The following MTA1 variants were observed in gnomAD, a reference collection of about 807,000 sequenced individuals.
MTA1 encodes metastasis-associated protein MTA1.
MTA1 carries 15 observed loss-of-function variants against 97.0 expected under a neutral mutation model. The ratio of observed to expected loss-of-function variants is 0.15; its 90% CI spans 0.10 to 0.24. MTA1 has a LOEUF of 0.24. MTA1 is among the 10% of genes least tolerant of loss of function. MTA1 has a pLI of 1.00. For missense variants in MTA1, 709 were observed against 1,015.1 expected, an observed-to-expected ratio of 0.70 and a Z score of 4.10; for synonymous variants, 435 against 417.5, an observed-to-expected ratio of 1.04 and a Z score of -0.51.
intron 2 of MTA1, among the ~76,000 whole-genome samples, chr14:105,439,811 G>A (rs1555425266): frequency 6.6e-6 from 1 of 152,134 alleles, no homozygotes; most frequent in Non-Finnish European, 1.5e-5. Flanking sequence ...TGGGGCACTC[G>A]GGCCCTTGGT....
rs368581140 is a variant in MTA1, at chr14:105,455,312, G to A, written c.550+1002G>A. 3.8e-4 allele frequency among the ~76,000 whole-genome samples: 58 copies of A among 152,336 alleles called. 1 individual carries two copies. The East Asian group carries it at 8.3e-3, about 22-fold the overall frequency. On this transcript the variant is annotated intron_variant, in intron 7 of 20. Coordinates refer to ENST00000331320, the MANE Select transcript of MTA1 (RefSeq NM_004689.4). ...CCCACCCTTGAGGCCTGCTGGGGCC[G>A]TGGAGCTCCGACGCAGTGCTCACCC... is the stretch of plus-strand genomic sequence containing the variant.
intron 1 of MTA1, among the ~76,000 whole-genome samples, chr14:105,431,718 C>T (rs143999764): frequency 0.012 from 1,807 of 151,902 alleles, 49 homozygotes; most frequent in African/African-American, 0.038. Flanking sequence ...CTCTGCCTCC[C>T]GGGCCCGAGT....
intron 2 of MTA1, among the ~76,000 whole-genome samples, chr14:105,440,857 G>A (rs2082487512): frequency 6.6e-6 from 1 of 152,258 alleles, no homozygotes. Context: ...CCAGGTGGGC[G>A]CAGCTGGTTG....
intron 1 of MTA1, among the ~76,000 whole-genome samples, chr14:105,426,425 C>T (rs782655773): frequency 3.3e-5 from 5 of 149,796 alleles, no homozygotes; most frequent in East Asian, 3.9e-4. Flanking sequence ...AGTTGGTCAG[C>T]GGTGGAGTCA....
intron 3 of MTA1, chr14:105,445,892 T>A (rs1171124703): frequency 2.8e-6 from 1 of 352,154 alleles, no homozygotes; most frequent in Non-Finnish European, 5.5e-6. Flanking sequence ...GTCTCTCTCT[T>A]TTTAATTTTG....
In MTA1 at chr14:105,449,386, C is replaced by T. The variant is rs2082835462; in HGVS notation, c.218C>T (p.Pro73Leu). 1 of 1,612,330 alleles carries T rather than the reference C, an allele frequency of 6.2e-7. No individual in the cohort carries two copies. Residue 73 changes from proline to leucine, a missense_variant, in exon 4 of 21, where the codon CCG (proline) becomes CTG (leucine). This residue lies in a region of MTA1 where 321 missense variants were observed against 593.5 expected (regional missense o/e 0.54). Coordinates refer to ENST00000331320, the MANE Select transcript of MTA1 (RefSeq NM_004689.4). ...CTGTCAGTCTGCTATAAGGCCGGAC[C>T]GGGGGCGGACAACGGCGAGGAAGGT... ...ATLSVCYKAGPGADNGEEGEI... is the reference protein window; with the variant it reads ...ATLSVCYKAGLGADNGEEGEI...
In MTA1 at chr14:105,469,994, T is replaced by C; in HGVS notation, c.1997+2T>C. 1 of 1,612,392 alleles carries C rather than the reference T, an allele frequency of 6.2e-7. No individual in the cohort carries two copies. Among genetic ancestry groups the C allele is most frequent in the Non-Finnish European group, 8.5e-7 (1 of 1,179,810 alleles). ...CTACATGGCCACAGAGGAGACCAGG[T>C]GGGGCCTTCCCAGGGCAGGCGGGAG... On this transcript the variant is annotated splice_donor_variant, in intron 20 of 20. Coordinates refer to ENST00000331320, the MANE Select transcript of MTA1 (RefSeq NM_004689.4). LOFTEE classifies it high-confidence loss of function.
At chr14:105,465,416 G>T in intron 16 of MTA1, 1 of 372,470 alleles carries the variant, frequency 2.7e-6, no homozygotes, top group Non-Finnish European at 4.8e-6. Flanking sequence ...GCGGAGTAGC[G>T]GCCGCCCTGT....
chr14:105,434,109 G>C (rs1408712262), intron 1 of MTA1, among the ~76,000 whole-genome samples: 4 of 152,192 alleles, frequency 2.6e-5, no homozygotes, highest in Admixed American at 2.0e-4. Flanking sequence ...GAGCCACTGC[G>C]CCTGGCCCAG....
Position 105,463,474 on chromosome 14 carries a change from CCTT to C in MTA1, c.1018-16_1018-14del, listed in dbSNP as rs1372047792. 24 of 1,612,926 alleles carry C rather than the reference CCTT, an allele frequency of 1.5e-5. No homozygotes were observed. Among genetic ancestry groups the C allele is most frequent in the Non-Finnish European group, 1.5e-5 (18 of 1,179,866 alleles). On this transcript the variant is annotated splice_polypyrimidine_tract_variant and intron_variant, in intron 11 of 20. Transcript: ENST00000331320. This position sits in a 1 kb window ranked among gnomAD's most constrained non-coding sequence, Gnocchi z 5.9. ...CTGGGCCTAGCCTGCTGACCTCTGA[CCTT>C]CTCTTTTGTTTTAAGAAACGCTTGA...
intron 18 of MTA1, chr14:105,469,178 C>A (rs1237793038): frequency 6.4e-6 from 4 of 624,844 alleles, no homozygotes; most frequent in Non-Finnish European, 8.9e-6. Context: ...GGTGGACAGC[C>A]CCGGCCCCTG....
At chr14:105,464,261 G>C (rs1419119569) in intron 13 of MTA1, 114 bp downstream of exon 13, 6 of 1,410,954 alleles carry the variant, frequency 4.3e-6, no homozygotes, top group Non-Finnish European at 5.8e-6. Context: ...CACTGACGAT[G>C]GGGGCTGCGT....
Position 105,449,539 on chromosome 14 carries a change from C to G in MTA1, c.241+130C>G. The stretch of plus-strand genomic sequence containing the variant: ...TGTGCCCTGCGCCCGGCCGGCCCGG[C>G]TGAGGAGGGGCCCTCCCTTGTGTCC... On this transcript the variant is annotated intron_variant, in intron 4 of 20. Transcript: ENST00000331320. 6.0e-6 allele frequency: 6 copies of G among 1,005,282 alleles called. No individual in the cohort carries two copies. In the South Asian group the frequency reaches 9.9e-5, roughly 17 times the overall value. The allele number at this position is 1,005,282 out of a possible 1,614,324, so 62.3% of individuals were successfully genotyped here.
chr14:105,448,064 C>A (rs1221367678), intron 3 of MTA1, among the ~76,000 whole-genome samples: 1 of 152,174 alleles, frequency 6.6e-6, no homozygotes, highest in Admixed American at 6.5e-5. Context: ...AAGCCCTCCC[C>A]CCGGCAGGGC....
At chr14:105,445,649 T>C in intron 3 of MTA1, 138 bp downstream of exon 3, 1 of 887,934 alleles carries the variant, frequency 1.1e-6, no homozygotes, top group Non-Finnish European at 1.8e-6. Flanking sequence ...CTGGCGTCTC[T>C]TTTTCTCCCT....
chr14:105,460,739 G>A (rs782256422), intron 9 of MTA1, 26 bp from the exon 10 acceptor site: 7 of 1,542,594 alleles, frequency 4.5e-6, no homozygotes, highest in Non-Finnish European at 6.1e-6. Flanking sequence ...CCTTGGCCCG[G>A]GTGACCCTGC....
At chr14:105,446,503 C>T (rs1323659818) in intron 3 of MTA1, among the ~76,000 whole-genome samples, 2 of 152,116 alleles carry the variant, frequency 1.3e-5, no homozygotes, top group African/African-American at 2.4e-5. Flanking sequence ...GGAGGACCCT[C>T]GCATCTTCTG....
At chr14:105,441,998 G>T (rs2082547896) in intron 2 of MTA1, among the ~76,000 whole-genome samples, 1 of 152,160 alleles carries the variant, frequency 6.6e-6, no homozygotes, top group Non-Finnish European at 1.5e-5. Context: ...ATAAAGTTGA[G>T]GATACCGCAC....
chr14:105,470,317 C>T lies in MTA1; in HGVS notation c.*102C>T. On this transcript the variant is annotated 3_prime_UTR_variant, in exon 21 of 21. Coordinates refer to ENST00000331320, the MANE Select transcript of MTA1 (RefSeq NM_004689.4). ...CCCTCAGTTTGGTAGTGCCCCACCT[C>T]CCGCCCTCACCTGCAGAGAAACGCG... 1 of 993,522 alleles carries T rather than the reference C, an allele frequency of 1.0e-6. No homozygotes were observed. The allele number at this position is 993,522 out of a possible 1,614,324, so 61.5% of individuals were successfully genotyped here.
Sources: allele counts gnomAD v4.1 joint callset (sites outside exome capture counted in the v4.1 genomes callset), GRCh38; gene constraint gnomAD v4.1.1; regional missense constraint gnomAD v4.1.1; non-coding constraint Gnocchi (gnomAD v3.1); transcripts MANE v1.5; gene names NCBI Gene and HGNC (gene_info 2026-07-23, HGNC 2026-07-21).